GPR35: variants seen among roughly 807,000 people sequenced by gnomAD.
GPR35 encodes the protein G protein-coupled receptor 35, also known as KYNA receptor.
For synonymous variants in GPR35, 207 were observed against 198.4 expected (o/e 1.04, Z -0.36); for missense variants, 372 against 422.5 (o/e 0.88, Z 1.05).
intron 2 of GPR35, among the ~76,000 whole-genome samples, chr2:240,611,521 T>C (rs1467279332): frequency 6.6e-6 from 1 of 152,224 alleles, no homozygotes. Flanking sequence ...ATGATATGCA[T>C]ATTTAACTTA....
At chr2:240,629,161 T>G (rs1290624780) in intron 1 of GPR35, 1 of 152,472 alleles carries the variant, frequency 6.6e-6, no homozygotes, top group East Asian at 1.9e-4. Flanking sequence ...GTCCTGATAG[T>G]GACGGAGAGG....
At chr2:240,627,101 G>T (rs1362423199) in intron 1 of GPR35, among the ~76,000 whole-genome samples, 1 of 152,198 alleles carries the variant, frequency 6.6e-6, no homozygotes, top group Admixed American at 6.5e-5. Context: ...CCCCGGCAGC[G>T]GGAGCTCCCT....
upstream of GPR35, among the ~76,000 whole-genome samples, chr2:240,623,131 C>T (rs1266632655): frequency 5.3e-5 from 8 of 152,234 alleles, no homozygotes; most frequent in East Asian, 5.8e-4. Context: ...CGGCCGGAGT[C>T]GCTGTGGGTG....
intron 2 of GPR35, among the ~76,000 whole-genome samples, chr2:240,615,144 C>G (rs188824706): frequency 1.1e-3 from 174 of 152,058 alleles, no homozygotes; most frequent in African/African-American, 4.1e-3. Context: ...TACACATACA[C>G]GTGGACAGGC....
intron 1 of GPR35, chr2:240,627,717 C>T (rs911977300): frequency 1.4e-5 from 2 of 140,514 alleles, no homozygotes; most frequent in African/African-American, 5.2e-5. Context: ...TCAAGTCATC[C>T]TCCTGTCTCA....
chr2:240,630,468 C>A lies in GPR35; in HGVS notation c.516C>A (p.Ser172=). 12 of 1,612,922 alleles carry A rather than the reference C, an allele frequency of 7.4e-6. No homozygotes were observed. The highest frequency in any genetic ancestry group is 1.0e-5 in the Non-Finnish European group (12 of 1,179,966). The change falls in exon 2 of 2, where the codon TCC becomes TCA. Residue 172 remains serine, a synonymous_variant. Coordinates refer to ENST00000407714, the MANE Select transcript of GPR35 (RefSeq NM_005301.5). ...CFRSTRHNFN[S]MAFPLLGFYL... ...GGAGCACCCGGCACAATTTCAACTC[C>A]ATGGCGTTCCCGCTGCTGGGATTCT...
rs1327479870 is a variant in GPR35, at chr2:240,630,222, G to T, written c.270G>T (p.Gln90His). The change falls in exon 2 of 2, where the codon CAG (glutamine) becomes CAT (histidine). Residue 90 changes from glutamine (Q) to histidine (H), a missense_variant. Physicochemically the swap from Gln to His is conservative, Grantham distance 24. Coordinates refer to ENST00000407714, the MANE Select transcript of GPR35 (RefSeq NM_005301.5). ...ACACCTCAGACACGCCGCTGTGCCAGCTCTCCCAGGGCATCTACCTGACCA... is the reference window on the plus strand; with the variant it reads ...ACACCTCAGACACGCCGCTGTGCCATCTCTCCCAGGGCATCTACCTGACCA... ...LRDTSDTPLC[Q>H]LSQGIYLTNR... 9.6e-6 allele frequency: 15 copies of T among 1,568,838 alleles called. No individual in the cohort carries two copies. The highest frequency in any genetic ancestry group is 1.3e-5 in the Non-Finnish European group (15 of 1,159,482).
intron 5 of GPR35, among the ~76,000 whole-genome samples, chr2:240,620,047 T>G (rs2043275935): frequency 1.3e-5 from 2 of 150,664 alleles, no homozygotes; most frequent in Admixed American, 6.6e-5. Flanking sequence ...GGGGAAGGAG[T>G]CCGAGAGGGT....
At chr2:240,619,370 C>T (rs560982402) in intron 5 of GPR35, among the ~76,000 whole-genome samples, 1 of 152,340 alleles carries the variant, frequency 6.6e-6, no homozygotes, top group Non-Finnish European at 1.5e-5. Flanking sequence ...CGTCTACTCC[C>T]ATCTCTATCA....
In GPR35 at chr2:240,616,138, G is replaced by T. The variant is rs569972399; in HGVS notation, c.-576-250G>T. Among the ~76,000 whole-genome samples, 5 of 152,242 alleles carry T rather than the reference G, an allele frequency of 3.3e-5. No individual in the cohort carries two copies. In the East Asian group the frequency reaches 9.7e-4, roughly 29 times the overall value. The stretch of plus-strand genomic sequence containing the variant: ...TGGTAGTGAGATCATCTCCCCATCT[G>T]CCTGATGTCATCCAGGGGGCAAAAA... On this transcript the variant is annotated intron_variant, in intron 2 of 5. Coordinates refer to the GPR35 transcript ENST00000319838.
At chr2:240,628,002 C>T (rs2043397663) in intron 1 of GPR35, 2 of 152,230 alleles carry the variant, frequency 1.3e-5, no homozygotes, top group Non-Finnish European at 2.9e-5. Context: ...GAATCGCCCT[C>T]TAGCTGTGCA....
At chr2:240,612,816 G>A (rs547302140) in intron 2 of GPR35, among the ~76,000 whole-genome samples, 10 of 152,376 alleles carry the variant, frequency 6.6e-5, no homozygotes, top group East Asian at 1.9e-4. Flanking sequence ...AGGTCAGAGC[G>A]TGGGTGAGAA....
upstream of GPR35, among the ~76,000 whole-genome samples, chr2:240,621,834 C>CG (rs1292566885): frequency 6.6e-6 from 1 of 152,204 alleles, no homozygotes; most frequent in African/African-American, 2.4e-5. Context: ...TGTGTAAAGA[C>CG]TAAGCTAAAC....
Position 240,613,724 on chromosome 2 carries a change from TTAAC to T in GPR35, c.-576-2663_-576-2660del, listed in dbSNP as rs750106746. On this transcript the variant is annotated intron_variant, in intron 2 of 5. Transcript: ENST00000319838. ...ACCCTATTCCGAACCTTAAAGCTAA[TTAAC>T]AATGCCTCATATGGACCCGAACCCT... Among the ~76,000 whole-genome samples, 7 of 151,038 alleles carry T rather than the reference TTAAC, an allele frequency of 4.6e-5. No homozygotes were observed. The South Asian group carries it at 1.5e-3, about 32-fold the overall frequency.
Position 240,630,119 on chromosome 2 carries a change from G to A in GPR35, c.167G>A (p.Arg56His), listed in dbSNP as rs747391123. ...CGCATGCAGCAGTGGACGGAGACCC[G>A]CATCTACATGACCAACCTGGCGGTG... ...CCRMQQWTET[R>H]IYMTNLAVAD... Residue 56 changes from arginine (R) to histidine (H), a missense_variant, in exon 2 of 2, where the codon CGC (arginine) becomes CAC (histidine). Coordinates refer to ENST00000407714, the MANE Select transcript of GPR35 (RefSeq NM_005301.5). The A allele has an allele frequency of 1.2e-5, 20 of 1,606,076 alleles. No individual in the cohort carries two copies. The highest frequency in any genetic ancestry group is 2.2e-5 in the East Asian group (1 of 44,862).
rs115490519 is a variant in GPR35, at chr2:240,631,822, T to C, written c.*940T>C. Among the ~76,000 whole-genome samples the C allele has an allele frequency of 0.026, 3,891 of 152,284 alleles. 41 individuals carry two copies. Among genetic ancestry groups the C allele is most frequent in the African/African-American group, 0.031 (1,300 of 41,558 alleles). On this transcript the variant is annotated 3_prime_UTR_variant, in exon 2 of 2. Transcript: ENST00000407714. ...CCTGTGAGTGTGGGCCAGCACGGCC[T>C]GGGCTCAAACCCCATCCTGTCATCC...
upstream of GPR35, among the ~76,000 whole-genome samples, chr2:240,623,377 TCG>T (rs1559437580): frequency 2.9e-5 from 3 of 103,134 alleles, 1 homozygote. Context: ...CGCAAACAGG[TCG>T]TGAGGGCGCA....
chr2:240,617,503 T>G (rs986850288), intron 4 of GPR35: 9 of 448,150 alleles, frequency 2.0e-5, no homozygotes, highest in African/African-American at 1.8e-4. Flanking sequence ...AGTAGTGATA[T>G]TCTACTTCTG....
chr2:240,620,410 G>T lies in GPR35; in HGVS notation c.-5+1379G>T, dbSNP rs2043279951. 2.0e-5 allele frequency among the ~76,000 whole-genome samples: 3 copies of T among 152,144 alleles called. No individual in the cohort carries two copies. In the South Asian group the frequency reaches 6.2e-4, roughly 31 times the overall value. On this transcript the variant is annotated intron_variant, in intron 5 of 5. Coordinates refer to the GPR35 transcript ENST00000319838. Reference sequence around the variant, plus strand: ...GCCCCTGAGTGCCCAGGGGCCTCCTGCTGCAGGTGGGCAGAGCTGGAGGCT... The same window carrying T: ...GCCCCTGAGTGCCCAGGGGCCTCCTTCTGCAGGTGGGCAGAGCTGGAGGCT...
Sources: allele counts gnomAD v4.1 joint callset (sites outside exome capture counted in the v4.1 genomes callset), GRCh38; gene constraint gnomAD v4.1.1; transcripts MANE v1.5; gene names NCBI Gene and HGNC (gene_info 2026-07-23, HGNC 2026-07-21).